The following MAP2K4 variants were observed in gnomAD, a reference collection of about 807,000 sequenced individuals.
MAP2K4 encodes the protein dual specificity mitogen-activated protein kinase kinase 4.
In MAP2K4, 4 loss-of-function variants were observed where a neutral mutation model predicts 48.5. The ratio of observed to expected loss-of-function variants is 0.08; its 90% CI spans 0.04 to 0.19. The LOEUF (loss-of-function observed/expected upper bound fraction) is 0.19. Ranked by LOEUF, MAP2K4 falls within the 10% of genes least tolerant of loss-of-function variation. MAP2K4 has a pLI of 1.00. For synonymous variants in MAP2K4, 166 were observed against 173.1 expected, an observed-to-expected ratio of 0.96 and a Z score of 0.32; for missense variants, 258 against 493.3, an observed-to-expected ratio of 0.52 and a Z score of 4.52.
At position 12,096,216 on chromosome 17, in the gene MAP2K4, A is replaced by C. The variant is rs1462244644; in HGVS notation, c.513+522A>C. 2.0e-5 allele frequency among the ~76,000 whole-genome samples: 3 copies of C among 152,266 alleles called. No homozygotes were observed. The East Asian group carries it at 5.8e-4, about 29-fold the overall frequency. ...CCATCAGACATGGAAATTAACAATT[A>C]CAATATAAATTATTTTTTTCTAATT... On this transcript the variant is annotated intron_variant, in intron 4 of 10. Coordinates refer to ENST00000353533, the MANE Select transcript of MAP2K4 (RefSeq NM_003010.4).
chr17:12,072,951 T>C (rs571213422), intron 2 of MAP2K4, among the ~76,000 whole-genome samples: 4 of 152,346 alleles, frequency 2.6e-5, no homozygotes, highest in Admixed American at 2.6e-4. Flanking sequence ...TTGAGACTCT[T>C]GGTTTTTAAT....
At chr17:12,035,327 G>C (rs1427293619) in intron 1 of MAP2K4, among the ~76,000 whole-genome samples, 1 of 152,120 alleles carries the variant, frequency 6.6e-6, no homozygotes, top group African/African-American at 2.4e-5. Context: ...AGACCAGCCA[G>C]ACCAACATGG....
intron 10 of MAP2K4, among the ~76,000 whole-genome samples, 183 bp downstream of exon 10, chr17:12,140,067 C>G (rs1973327637): frequency 2.0e-5 from 3 of 152,100 alleles, no homozygotes; most frequent in Non-Finnish European, 4.4e-5. Context: ...TATAATTTTT[C>G]TACTAATACT....
chr17:12,058,941 A>AT (rs1970367996), intron 2 of MAP2K4, among the ~76,000 whole-genome samples: 1 of 152,136 alleles, frequency 6.6e-6, no homozygotes, highest in Admixed American at 6.5e-5. Context: ...CTTGAAATCG[A>AT]TTAGTTTTTC....
chr17:12,029,921 AAAAAAAAG>A (rs1056753658), intron 1 of MAP2K4, among the ~76,000 whole-genome samples: 1 of 152,084 alleles, frequency 6.6e-6, no homozygotes, highest in Non-Finnish European at 1.5e-5. Context: ...GTCTCTAAAA[AAAAAAAAG>A]AAAAAAAGAA....
At chr17:12,050,818 C>T (rs1173868268) in intron 1 of MAP2K4, among the ~76,000 whole-genome samples, 1 of 152,162 alleles carries the variant, frequency 6.6e-6, no homozygotes, top group Non-Finnish European at 1.5e-5. Flanking sequence ...CAGTGAGTTG[C>T]TCACAACTAG....
intron 8 of MAP2K4, among the ~76,000 whole-genome samples, chr17:12,128,473 G>T (rs535395647): frequency 6.6e-6 from 1 of 152,104 alleles, no homozygotes; most frequent in East Asian, 1.9e-4. Flanking sequence ...TTGGACCCTT[G>T]ATAGGATTGG....
chr17:12,129,104 G>GGTGTA, intron 8 of MAP2K4, 35 bp from the exon 9 acceptor site: 1 of 1,607,096 alleles, frequency 6.2e-7, no homozygotes, highest in Non-Finnish European at 8.5e-7. Context: ...AATGATGCCT[G>GGTGTA]GTGTATTTTG....
rs1971187978 is a variant in MAP2K4, at chr17:12,081,600, CTGT to C, written c.393+77_393+79del. 13 of 1,457,400 alleles carry C rather than the reference CTGT, an allele frequency of 8.9e-6. No homozygotes were observed. Among genetic ancestry groups the C allele is most frequent in the Non-Finnish European group, 1.2e-5 (13 of 1,059,300 alleles). 90.3% of individuals were successfully genotyped at this position (1,457,400 alleles called of 1,614,324 possible). A position where few individuals can be genotyped will look rare whatever the true frequency, so the allele number is the denominator to read the frequency against. On this transcript the variant is annotated intron_variant, in intron 3 of 10. Coordinates refer to ENST00000353533, the MANE Select transcript of MAP2K4 (RefSeq NM_003010.4). This position sits in a 1 kb window ranked among gnomAD's most constrained non-coding sequence, Gnocchi z 4.2. ...GAAATTTCATGGTGCAGTAATACCACTGTTGTTGTGTTCCTACTTTTGTGGTAA... is the reference window on the plus strand; with the variant it reads ...GAAATTTCATGGTGCAGTAATACCACTGTTGTGTTCCTACTTTTGTGGTAA...
chr17:12,117,099 G>A (rs1972526820), intron 7 of MAP2K4, among the ~76,000 whole-genome samples: 1 of 152,090 alleles, frequency 6.6e-6, no homozygotes, highest in South Asian at 2.1e-4. Flanking sequence ...ATGTGGGTAT[G>A]GATGTGCCAA....
intron 1 of MAP2K4, among the ~76,000 whole-genome samples, chr17:12,035,384 G>GC (rs1385475884): frequency 1.3e-5 from 2 of 152,186 alleles, no homozygotes; most frequent in African/African-American, 4.8e-5. Flanking sequence ...GGGCGTGGTG[G>GC]CACACGCCTG....
chr17:12,028,181 G>A (rs1209776239), intron 1 of MAP2K4, among the ~76,000 whole-genome samples: 1 of 152,186 alleles, frequency 6.6e-6, no homozygotes, highest in Non-Finnish European at 1.5e-5. Flanking sequence ...AAACAGGCTT[G>A]AGAAGGTAAT....
intron 8 of MAP2K4, among the ~76,000 whole-genome samples, 172 bp from the exon 9 acceptor site, chr17:12,128,967 T>C (rs1032351366): frequency 6.6e-6 from 1 of 152,240 alleles, no homozygotes; most frequent in Non-Finnish European, 1.5e-5. Context: ...TTTCTAAATA[T>C]AACTTCTACT....
At chr17:12,108,010 C>A in intron 5 of MAP2K4, 101 bp downstream of exon 5, 2 of 1,069,820 alleles carry the variant, frequency 1.9e-6, no homozygotes, top group Non-Finnish European at 1.3e-6. Context: ...ACAGTACCTT[C>A]CTGAAAATAA....
At chr17:12,129,398 C>T in intron 9 of MAP2K4, 111 bp downstream of exon 9, 1 of 1,266,754 alleles carries the variant, frequency 7.9e-7, no homozygotes, top group Non-Finnish European at 1.1e-6. Context: ...TTGGTCACAT[C>T]ACCCTACTTT....
chr17:12,047,314 T>A (rs1269655569), intron 1 of MAP2K4, among the ~76,000 whole-genome samples: 1 of 152,196 alleles, frequency 6.6e-6, no homozygotes, highest in African/African-American at 2.4e-5. Flanking sequence ...TCATAATTGA[T>A]AATAAAGCTG....
At chr17:12,061,799 T>G (rs1377533470) in intron 2 of MAP2K4, among the ~76,000 whole-genome samples, 1 of 152,202 alleles carries the variant, frequency 6.6e-6, no homozygotes. Context: ...TCAATCAGAA[T>G]ATTATAAGGC....
At position 12,123,163 on chromosome 17, in the gene MAP2K4, G is replaced by GA. The variant is rs201264339; in HGVS notation, c.814-2122dup. Among the ~76,000 whole-genome samples the GA allele has an allele frequency of 4.7e-3, 712 of 150,946 alleles. 4 individuals are homozygous for GA. The highest frequency in any genetic ancestry group is 0.016 in the African/African-American group (665 of 41,214). On this transcript the variant is annotated intron_variant, in intron 7 of 10. Transcript: ENST00000353533. The stretch of plus-strand genomic sequence containing the variant: ...GAAGCGTACCATCTCTCACTTTTTT[G>GA]AAAAAAAAATTTGTGTAAGGCCAGT...
intron 7 of MAP2K4, among the ~76,000 whole-genome samples, chr17:12,121,733 A>G (rs796482410): frequency 2.3e-4 from 35 of 152,270 alleles, no homozygotes; most frequent in African/African-American, 8.4e-4. Flanking sequence ...TTGTTCCCTC[A>G]TGATTAGATT....
Sources: gnomAD v4.1 joint callset for allele counts (sites outside exome capture counted in the v4.1 genomes callset) on GRCh38, gnomAD v4.1.1 for gene constraint, Gnocchi (gnomAD v3.1) non-coding constraint, MANE v1.5 for transcripts, NCBI Gene and HGNC (gene_info 2026-07-23, HGNC 2026-07-21) for gene names.